CTNNA3: variants seen among roughly 807,000 people sequenced by gnomAD.
The protein encoded by CTNNA3 is catenin alpha-3.
CTNNA3 carries 76 observed loss-of-function variants against 95.7 expected under a neutral mutation model. The observed-to-expected ratio is 0.79, with a 90% CI of 0.66 to 0.96. The LOEUF (loss-of-function observed/expected upper bound fraction) is 0.96, where lower values mean the gene tolerates loss of function less well. Among genes scored for constraint, CTNNA3 ranks in the 40% least tolerant of loss-of-function variants. CTNNA3 has a pLI of 0.00. For missense variants in CTNNA3, 1,191 were observed against 1,089.8 expected (o/e 1.09, Z -1.31); for synonymous variants, 431 against 374.4 (o/e 1.15, Z -1.74).
At chr10:67,237,126 G>T (rs10823012) in intron 5 of CTNNA3, among the ~76,000 whole-genome samples, 1 of 39,876 alleles carries the variant, frequency 2.5e-5, no homozygotes, top group Non-Finnish European at 4.4e-5. Flanking sequence ...TATGGTGTAT[G>T]TATATATATA....
At chr10:66,695,083 T>C (rs542758708) in intron 9 of CTNNA3, among the ~76,000 whole-genome samples, 5 of 152,330 alleles carry the variant, frequency 3.3e-5, no homozygotes, top group African/African-American at 1.2e-4. Context: ...ACCACTTTGT[T>C]ATCCCAAAAT....
At position 66,421,897 on chromosome 10, in the gene CTNNA3, G is replaced by GATATAT. The variant is rs35513829; in HGVS notation, c.1532-42551_1532-42546dup. 6.0e-3 allele frequency among the ~76,000 whole-genome samples: 652 copies of GATATAT among 108,150 alleles called. 55 individuals carry two copies. Among genetic ancestry groups the GATATAT allele is most frequent in the South Asian group, 0.033 (99 of 2,976 alleles). The allele number at this position is 108,150 out of a possible 152,430, so 71.0% of individuals were successfully genotyped here. A position where few individuals can be genotyped will look rare whatever the true frequency, so the allele number is the denominator to read the frequency against. ...TTTCTAAGAGCTTCATAATAAATGT[G>GATATAT]ATATATATATATATATATACACACA... On this transcript the variant is annotated intron_variant, in intron 11 of 17. Coordinates refer to ENST00000433211, the MANE Select transcript of CTNNA3 (RefSeq NM_013266.4).
At chr10:66,073,810 T>C (rs764395696) in intron 14 of CTNNA3, among the ~76,000 whole-genome samples, 20 of 152,034 alleles carry the variant, frequency 1.3e-4, no homozygotes, top group Non-Finnish European at 2.5e-4. Flanking sequence ...CATCACCTTA[T>C]CAAATAAAGG....
intron 15 of CTNNA3, among the ~76,000 whole-genome samples, chr10:66,057,868 A>C (rs1365478015): frequency 6.6e-6 from 1 of 152,166 alleles, no homozygotes; most frequent in Non-Finnish European, 1.5e-5. Context: ...CCCATATTTT[A>C]TATTTCAATT....
chr10:66,507,102 T>C lies in CTNNA3; in HGVS notation c.1531+13515A>G, dbSNP rs138223960. On this transcript the variant is annotated intron_variant, in intron 11 of 17. Transcript: ENST00000433211. The stretch of plus-strand genomic sequence containing the variant: ...TGGAAAATCAATTTATTTTCCATTT[T>C]CTTTGTCAAATTTAGATTAAAACTT... Among the ~76,000 whole-genome samples, 34 of 152,322 alleles carry C rather than the reference T, an allele frequency of 2.2e-4. 1 individual carries two copies. The highest frequency in any genetic ancestry group is 7.5e-4 in the African/African-American group (31 of 41,586).
intron 13 of CTNNA3, among the ~76,000 whole-genome samples, chr10:66,144,974 A>T (rs1376829513): frequency 6.6e-6 from 1 of 151,462 alleles, no homozygotes. Context: ...GGAAAATGTA[A>T]TGAAATGCAT....
chr10:66,805,474 T>C (rs927699059), intron 7 of CTNNA3, among the ~76,000 whole-genome samples: 3 of 149,710 alleles, frequency 2.0e-5, no homozygotes, highest in Non-Finnish European at 4.4e-5. Context: ...CTAGATTCCA[T>C]ATATATACAC....
At chr10:66,567,877 G>C (rs1269091825) in intron 10 of CTNNA3, among the ~76,000 whole-genome samples, 1 of 152,128 alleles carries the variant, frequency 6.6e-6, no homozygotes, top group East Asian at 1.9e-4. Context: ...AGTTCTCCAA[G>C]TTACAATAAT....
At chr10:66,304,959 C>CA (rs1275501399) in intron 12 of CTNNA3, among the ~76,000 whole-genome samples, 4 of 152,010 alleles carry the variant, frequency 2.6e-5, no homozygotes, top group African/African-American at 9.7e-5. Context: ...AGGTTCAAAA[C>CA]AAAAAATTTC....
chr10:65,989,857 T>C (rs888946257), intron 15 of CTNNA3, among the ~76,000 whole-genome samples: 4 of 151,888 alleles, frequency 2.6e-5, no homozygotes, highest in African/African-American at 9.7e-5. Context: ...ACCTCTCTTA[T>C]CCCCCCAATC....
intron 14 of CTNNA3, among the ~76,000 whole-genome samples, chr10:66,102,217 T>C (rs2081662850): frequency 6.6e-6 from 1 of 152,176 alleles, no homozygotes; most frequent in African/African-American, 2.4e-5. Context: ...TTAACTAACT[T>C]AATAATAATA....
chr10:66,835,779 C>G (rs1298962153), intron 7 of CTNNA3, among the ~76,000 whole-genome samples: 1 of 152,146 alleles, frequency 6.6e-6, no homozygotes, highest in African/African-American at 2.4e-5. Context: ...TCACCTAGCT[C>G]TTTCTTAGAG....
chr10:67,274,725 G>A (rs1439085967), intron 5 of CTNNA3, among the ~76,000 whole-genome samples: 2 of 152,000 alleles, frequency 1.3e-5, no homozygotes, highest in African/African-American at 4.8e-5. Flanking sequence ...GCTACTCAGA[G>A]GCTGAGATAA....
intron 3 of CTNNA3, among the ~76,000 whole-genome samples, chr10:67,580,186 A>C (rs918332860): frequency 3.3e-5 from 5 of 152,178 alleles, no homozygotes; most frequent in African/African-American, 1.2e-4. Flanking sequence ...TTATGGTTTT[A>C]GGTCTGACAT....
chr10:65,978,643 C>T (rs1219606957), intron 16 of CTNNA3, among the ~76,000 whole-genome samples: 2 of 152,108 alleles, frequency 1.3e-5, no homozygotes, highest in African/African-American at 4.8e-5. Flanking sequence ...TTCAGCATCT[C>T]ATCAACATTT....
At chr10:66,536,107 T>C (rs1433714076) in intron 10 of CTNNA3, among the ~76,000 whole-genome samples, 2 of 150,210 alleles carry the variant, frequency 1.3e-5, no homozygotes, top group Non-Finnish European at 3.0e-5. Flanking sequence ...AACAGGGTGA[T>C]GGATTCAGTA....
intron 5 of CTNNA3, among the ~76,000 whole-genome samples, chr10:67,365,397 C>T (rs1315408337): frequency 6.6e-6 from 1 of 152,146 alleles, no homozygotes; most frequent in Non-Finnish European, 1.5e-5. Context: ...AACTAAAGAG[C>T]TTCTGCACAG....
intron 10 of CTNNA3, among the ~76,000 whole-genome samples, chr10:66,549,013 G>A (rs1373164069): frequency 1.8e-5 from 2 of 109,774 alleles, no homozygotes. Flanking sequence ...GTTTGAGACG[G>A]AGTCTTGCTC....
chr10:66,067,381 T>C (rs982070664), intron 15 of CTNNA3, among the ~76,000 whole-genome samples: 1 of 152,152 alleles, frequency 6.6e-6, no homozygotes, highest in African/African-American at 2.4e-5. Context: ...CCTTGCTGGG[T>C]ACCCCACTCA....
Sources: allele counts gnomAD v4.1 joint callset (sites outside exome capture counted in the v4.1 genomes callset), GRCh38; gene constraint gnomAD v4.1.1; transcripts MANE v1.5; gene names NCBI Gene and HGNC (gene_info 2026-07-23, HGNC 2026-07-21).